Variants in EPHA5 observed in about 807,000 individuals in gnomAD.
EPHA5 encodes the protein ephrin type-A receptor 5.
A neutral mutation model predicts 105.0 loss-of-function variants in EPHA5; 60 were observed. The ratio of observed to expected loss-of-function variants is 0.57; its 90% CI spans 0.46 to 0.71. The LOEUF (loss-of-function observed/expected upper bound fraction) is 0.71, where lower values mean the gene tolerates loss of function less well. EPHA5 is among the 30% of genes least tolerant of loss of function. The pLI is 0.00. For missense variants in EPHA5, 1,218 were observed against 1,274.7 expected (o/e 0.96, Z 0.68); for synonymous variants, 513 against 449.1 (o/e 1.14, Z -1.80).
chr4:65,333,437 C>G (rs1257921409), intron 15 of EPHA5, among the ~76,000 whole-genome samples: 1 of 151,462 alleles, frequency 6.6e-6, no homozygotes, highest in Non-Finnish European at 1.5e-5. Context: ...TGGAAACATT[C>G]AGCCAACACC....
chr4:65,324,935 C>G (rs551561935), intron 16 of EPHA5, among the ~76,000 whole-genome samples: 12 of 151,172 alleles, frequency 7.9e-5, no homozygotes, highest in Non-Finnish European at 1.5e-4. Flanking sequence ...ATTTAGATTT[C>G]TAAACTAACA....
chr4:65,429,078 AAG>A (rs1724730844), intron 5 of EPHA5, among the ~76,000 whole-genome samples: 1 of 152,028 alleles, frequency 6.6e-6, no homozygotes. Flanking sequence ...TTAATACACG[AAG>A]AGTCCTAAGT....
chr4:65,636,667 C>T (rs1217095553), intron 2 of EPHA5, among the ~76,000 whole-genome samples: 1 of 152,066 alleles, frequency 6.6e-6, no homozygotes, highest in Non-Finnish European at 1.5e-5. Flanking sequence ...ACTGCATGTG[C>T]CAAATACAGA....
chr4:65,510,815 T>A (rs1040167513), intron 3 of EPHA5, among the ~76,000 whole-genome samples: 1 of 152,166 alleles, frequency 6.6e-6, no homozygotes, highest in Non-Finnish European at 1.5e-5. Context: ...TCCACAAACA[T>A]GCTAGACTTG....
At chr4:65,610,752 C>T (rs537368812) in intron 2 of EPHA5, among the ~76,000 whole-genome samples, 1 of 152,024 alleles carries the variant, frequency 6.6e-6, no homozygotes, top group Non-Finnish European at 1.5e-5. Flanking sequence ...GTATAGGGTA[C>T]ATGTGATCTA....
At chr4:65,522,911 T>C (rs577047637) in intron 3 of EPHA5, among the ~76,000 whole-genome samples, 27 of 152,080 alleles carry the variant, frequency 1.8e-4, no homozygotes, top group African/African-American at 6.0e-4. Context: ...ACTCACTCAC[T>C]GTAAGTGATA....
At chr4:65,581,326 G>A (rs996401618) in intron 3 of EPHA5, among the ~76,000 whole-genome samples, 10 of 151,754 alleles carry the variant, frequency 6.6e-5, no homozygotes, top group Middle Eastern at 3.4e-3. Flanking sequence ...ACTTCCGTTT[G>A]TTTTTTTGTT....
At chr4:65,465,495 GA>G (rs1294698788) in intron 5 of EPHA5, among the ~76,000 whole-genome samples, 6 of 89,360 alleles carry the variant, frequency 6.7e-5, no homozygotes, top group African/African-American at 1.6e-4. Flanking sequence ...AAGAAAGAAA[GA>G]AAGAAAGAAA....
At chr4:65,598,188 T>G (rs905832692) in intron 3 of EPHA5, among the ~76,000 whole-genome samples, 2 of 152,308 alleles carry the variant, frequency 1.3e-5, no homozygotes, top group East Asian at 1.9e-4. Context: ...TTCTGTGCTC[T>G]GTAAAATTCA....
chr4:65,422,224 T>C (rs1724011667), intron 5 of EPHA5, among the ~76,000 whole-genome samples: 1 of 152,094 alleles, frequency 6.6e-6, no homozygotes, highest in Non-Finnish European at 1.5e-5. Context: ...TAATTTCCTC[T>C]GTGACAAGAG....
At chr4:65,375,623 T>C (rs943479260) in intron 8 of EPHA5, among the ~76,000 whole-genome samples, 3 of 151,976 alleles carry the variant, frequency 2.0e-5, no homozygotes, top group Admixed American at 1.3e-4. Context: ...GAGATGTAGT[T>C]CAAGGTAAGG....
chr4:65,448,853 ACACT>A (rs1355904927), intron 5 of EPHA5, among the ~76,000 whole-genome samples: 2 of 152,164 alleles, frequency 1.3e-5, no homozygotes, highest in East Asian at 1.9e-4. Context: ...TACTGAAATG[ACACT>A]CACATCATAA....
intron 8 of EPHA5, among the ~76,000 whole-genome samples, chr4:65,386,195 G>A (rs1415137105): frequency 6.6e-6 from 1 of 151,854 alleles, no homozygotes; most frequent in East Asian, 1.9e-4. Flanking sequence ...AATGGGTAAA[G>A]AGCCTGTTCA....
At chr4:65,520,283 T>C (rs1156351309) in intron 3 of EPHA5, among the ~76,000 whole-genome samples, 2 of 152,116 alleles carry the variant, frequency 1.3e-5, no homozygotes, top group Non-Finnish European at 2.9e-5. Context: ...GGGGAAAGGA[T>C]TCCCTATTCA....
intron 2 of EPHA5, among the ~76,000 whole-genome samples, chr4:65,605,443 A>T (rs1449011397): frequency 6.6e-6 from 1 of 152,062 alleles, no homozygotes; most frequent in Non-Finnish European, 1.5e-5. Flanking sequence ...TCCTTTCCAG[A>T]TCCCCAGCCT....
At chr4:65,334,387 G>A (rs1720970774) in intron 15 of EPHA5, among the ~76,000 whole-genome samples, 1 of 151,994 alleles carries the variant, frequency 6.6e-6, no homozygotes, top group East Asian at 1.9e-4. Context: ...TTGAAGTTAT[G>A]AAAGAATTGC....
chr4:65,396,559 A>T (rs1721261443), intron 8 of EPHA5, among the ~76,000 whole-genome samples: 1 of 152,204 alleles, frequency 6.6e-6, no homozygotes, highest in Non-Finnish European at 1.5e-5. Flanking sequence ...AGGACCCTAA[A>T]TGCGACACCA....
chr4:65,657,992 C>T (rs1012252259), intron 1 of EPHA5, among the ~76,000 whole-genome samples: 6 of 146,340 alleles, frequency 4.1e-5, no homozygotes, highest in Admixed American at 1.4e-4. Flanking sequence ...AGTGGCCATT[C>T]TCAGTTCAGA....
intron 3 of EPHA5, among the ~76,000 whole-genome samples, chr4:65,549,328 G>T (rs1209740692): frequency 6.6e-6 from 1 of 152,130 alleles, no homozygotes; most frequent in East Asian, 1.9e-4. Context: ...GATACAGAAT[G>T]AAGGAATTCT....
Sources: allele counts gnomAD v4.1 joint callset (sites outside exome capture counted in the v4.1 genomes callset), GRCh38; gene constraint gnomAD v4.1.1; transcripts MANE v1.5; gene names NCBI Gene and HGNC (gene_info 2026-07-23, HGNC 2026-07-21).